ENTREP2: variants seen among roughly 807,000 people sequenced by gnomAD.
ENTREP2 encodes protein ENTREP2.
the ENTREP2 span, among the ~76,000 whole-genome samples, chr15:29,200,000 G>T: frequency 6.6e-6 from 1 of 151,968 alleles, no homozygotes; most frequent in Non-Finnish European, 1.5e-5. Flanking sequence ...AATTCCTTTT[G>T]ACTTTTGTCA....
At chr15:29,389,344 C>A in the ENTREP2 span, among the ~76,000 whole-genome samples, 1 of 152,156 alleles carries the variant, frequency 6.6e-6, no homozygotes, top group African/African-American at 2.4e-5. Flanking sequence ...GAGTGGGACA[C>A]TGGATTGTTG....
At chr15:29,130,068 C>G in the ENTREP2 span, among the ~76,000 whole-genome samples, 1 of 152,176 alleles carries the variant, frequency 6.6e-6, no homozygotes, top group African/African-American at 2.4e-5. Flanking sequence ...CTTCATCTCT[C>G]CTCTTCAACC....
the ENTREP2 span, among the ~76,000 whole-genome samples, chr15:29,657,928 C>T: frequency 6.6e-6 from 1 of 152,196 alleles, no homozygotes; most frequent in East Asian, 1.9e-4. Flanking sequence ...TACAGATACA[C>T]ATAACAGCAT....
the ENTREP2 span, chr15:29,269,357 C>G: frequency 1.2e-6 from 2 of 1,614,184 alleles, no homozygotes; most frequent in East Asian, 2.2e-5. Flanking sequence ...TTGTAGTCCC[C>G]GATGACGTGC....
chr15:29,400,225 G>C, the ENTREP2 span, among the ~76,000 whole-genome samples: 1 of 152,138 alleles, frequency 6.6e-6, no homozygotes, highest in Non-Finnish European at 1.5e-5. Flanking sequence ...TTAAACTATA[G>C]ACAAACAGCT....
chr15:29,423,308 G>GT, the ENTREP2 span, among the ~76,000 whole-genome samples: 9 of 152,142 alleles, frequency 5.9e-5, no homozygotes, highest in African/African-American at 2.2e-4. Flanking sequence ...ATAAGTTAGG[G>GT]TTTTTTTCCT....
At chr15:29,580,796 T>C in the ENTREP2 span, among the ~76,000 whole-genome samples, 3 of 152,210 alleles carry the variant, frequency 2.0e-5, no homozygotes, top group South Asian at 6.2e-4. Flanking sequence ...GACTTCACAA[T>C]GGGTATTTAT....
chr15:29,562,196 A>C, the ENTREP2 span, among the ~76,000 whole-genome samples: 1 of 152,366 alleles, frequency 6.6e-6, no homozygotes, highest in East Asian at 1.9e-4. Flanking sequence ...CACACAAGGA[A>C]TGCTCATGTT....
the ENTREP2 span, chr15:29,120,428 G>C: frequency 6.6e-6 from 1 of 152,272 alleles, no homozygotes; most frequent in African/African-American, 2.4e-5. Flanking sequence ...AGAAGCATGT[G>C]TGTGTAGCGA....
the ENTREP2 span, among the ~76,000 whole-genome samples, chr15:29,398,671 C>T: frequency 6.6e-6 from 1 of 152,166 alleles, no homozygotes; most frequent in African/African-American, 2.4e-5. Context: ...TTGCAATGAG[C>T]CAAGATCACG....
At chr15:29,568,188 T>C in the ENTREP2 span, among the ~76,000 whole-genome samples, 1 of 152,230 alleles carries the variant, frequency 6.6e-6, no homozygotes. Flanking sequence ...TTCAAGGTGC[T>C]TGCAGCAAAG....
At chr15:29,591,707 G>A in the ENTREP2 span, among the ~76,000 whole-genome samples, 1 of 151,968 alleles carries the variant, frequency 6.6e-6, no homozygotes, top group Non-Finnish European at 1.5e-5. Flanking sequence ...GCATGGTGGT[G>A]CACACCTGTA....
the ENTREP2 span, among the ~76,000 whole-genome samples, chr15:29,198,127 C>T: frequency 1.3e-5 from 2 of 152,180 alleles, no homozygotes; most frequent in African/African-American, 4.8e-5. Flanking sequence ...CCCCTGCCAC[C>T]CCCTGCTCCA....
chr15:29,287,725 C>T, the ENTREP2 span, among the ~76,000 whole-genome samples: 1 of 152,190 alleles, frequency 6.6e-6, no homozygotes, highest in Non-Finnish European at 1.5e-5. Context: ...ATTAAAAATT[C>T]CAGCAGGGTT....
chr15:29,466,301 G>A, the ENTREP2 span, among the ~76,000 whole-genome samples: 1 of 152,214 alleles, frequency 6.6e-6, no homozygotes, highest in Non-Finnish European at 1.5e-5. Context: ...TGGTCACTCT[G>A]GCTGCTGGGT....
At chr15:29,212,165 T>G in the ENTREP2 span, among the ~76,000 whole-genome samples, 4,484 of 152,262 alleles carry the variant, frequency 0.029, 230 homozygotes, top group African/African-American at 0.1. Context: ...CTGGTTACTG[T>G]TCTGTTCAGG....
chr15:29,186,503 G>A, the ENTREP2 span, among the ~76,000 whole-genome samples: 1 of 152,188 alleles, frequency 6.6e-6, no homozygotes, highest in Non-Finnish European at 1.5e-5. Context: ...GCAGGGGAAG[G>A]AGTGGTATCT....
At chr15:29,491,771 G>A in the ENTREP2 span, among the ~76,000 whole-genome samples, 8 of 152,108 alleles carry the variant, frequency 5.3e-5, no homozygotes, top group Non-Finnish European at 7.4e-5. Flanking sequence ...TTACCTTTTC[G>A]ACTTAGAACA....
the ENTREP2 span, among the ~76,000 whole-genome samples, chr15:29,145,041 G>C: frequency 4.6e-5 from 7 of 152,170 alleles, no homozygotes; most frequent in African/African-American, 1.4e-4. Flanking sequence ...GGGTGACAGA[G>C]AGACTCCATC....
Sources: allele counts gnomAD v4.1 joint callset (sites outside exome capture counted in the v4.1 genomes callset), GRCh38; gene constraint gnomAD v4.1.1; transcripts MANE v1.5; gene names NCBI Gene and HGNC (gene_info 2026-07-23, HGNC 2026-07-21).